Variants in B3GALNT1 observed in about 807,000 individuals in gnomAD.
The protein encoded by B3GALNT1 is beta-1,3-N-acetylgalactosaminyltransferase 1 (Globoside blood group), also known as UDP-GalNAc:beta-1,3-N-acetylgalactosaminyltransferase 1.
B3GALNT1 carries 17 observed loss-of-function variants against 27.3 expected under a neutral mutation model. That is an observed-to-expected ratio of 0.62 (90% CI 0.43 to 0.94). The LOEUF (loss-of-function observed/expected upper bound fraction) is 0.94. Ranked by LOEUF, B3GALNT1 falls within the 40% of genes least tolerant of loss-of-function variation. The probability of loss-of-function intolerance (pLI) is 0.00; values close to 1 mark genes in which losing one functional copy is unlikely to be tolerated. For synonymous variants in B3GALNT1, 141 were observed against 144.0 expected (o/e 0.98, Z 0.15); for missense variants, 347 against 390.0 (o/e 0.89, Z 0.93).
intron 4 of B3GALNT1, among the ~76,000 whole-genome samples, chr3:161,093,432 C>A (rs1471958680): frequency 1.3e-5 from 2 of 152,090 alleles, no homozygotes; most frequent in African/African-American, 4.8e-5. Context: ...CCAGAGATCT[C>A]GGATTGGCTC....
intron 4 of B3GALNT1, among the ~76,000 whole-genome samples, chr3:161,100,675 G>A (rs1156414391): frequency 6.6e-6 from 1 of 152,074 alleles, no homozygotes; most frequent in Non-Finnish European, 1.5e-5. Context: ...TCTGGGTTTG[G>A]GCTGAGAAAA....
At position 161,085,902 on chromosome 3, in the gene B3GALNT1, C is replaced by T. The variant is rs780828812; in HGVS notation, c.853G>A (p.Glu285Lys). Residue 285 changes from glutamate to lysine, a missense_variant, in exon 5 of 5, where the codon GAA becomes AAA. Physicochemically the swap from Glu to Lys is moderately conservative, Grantham distance 56. Coordinates refer to ENST00000320474, the MANE Select transcript of B3GALNT1 (RefSeq NM_003781.4). Reference protein sequence around the residue: ...NLLKVNIHIPEDTNLFFLYRI... With the variant: ...NLLKVNIHIPKDTNLFFLYRI... The stretch of plus-strand genomic sequence containing the variant: ...TATAGAAAGAAAAGATTTGTGTCTT[C>T]TGGAATATGAATGTTCACTTTTAAT... 1.2e-6 allele frequency: 2 copies of T among 1,613,018 alleles called. No homozygotes were observed.
At chr3:161,088,524 C>G (rs979117400) in intron 4 of B3GALNT1, among the ~76,000 whole-genome samples, 2 of 152,146 alleles carry the variant, frequency 1.3e-5, no homozygotes, top group African/African-American at 4.8e-5. Context: ...TCCTATCCTC[C>G]CCTATCCCCT....
chr3:161,085,776 T>C lies in B3GALNT1; in HGVS notation c.979A>G (p.Thr327Ala). 6.2e-7 allele frequency: 1 copy of C among 1,614,148 alleles called. No homozygotes were observed. The highest frequency in any genetic ancestry group is 8.5e-7 in the Non-Finnish European group (1 of 1,180,016). The change falls in exon 5 of 5, where the codon ACC becomes GCC. Residue 327 changes from threonine (T) to alanine (A), a missense_variant. By Grantham distance (58) the Thr-to-Ala change is moderately conservative. Transcript: ENST00000320474. ...ITFWQVMLRN[T>A]TCHY The stretch of plus-strand genomic sequence containing the variant: ...ATGTGAAGTTAATAATGGCATGTGG[T>C]GTTCCTTAGCATGACCTGCCAAAAA...
intron 4 of B3GALNT1, among the ~76,000 whole-genome samples, chr3:161,089,611 G>C (rs1305855648): frequency 6.6e-6 from 1 of 152,080 alleles, no homozygotes; most frequent in Non-Finnish European, 1.5e-5. Flanking sequence ...TTGAGAAATA[G>C]AAGACACAAA....
At chr3:161,103,354 C>A in intron 3 of B3GALNT1, 73 bp downstream of exon 3, 1 of 627,306 alleles carries the variant, frequency 1.6e-6, no homozygotes, top group Non-Finnish European at 2.4e-6. Flanking sequence ...TACTTAAAAC[C>A]TTGTAAAGGG....
chr3:161,100,522 ATC>A, intron 4 of B3GALNT1, among the ~76,000 whole-genome samples: 1 of 152,342 alleles, frequency 6.6e-6, no homozygotes, highest in South Asian at 2.1e-4. Flanking sequence ...GGTATAAGAC[ATC>A]TGAGTTTTTA....
At chr3:161,103,750 T>C (rs183776863) in intron 2 of B3GALNT1, among the ~76,000 whole-genome samples, 8 of 152,314 alleles carry the variant, frequency 5.3e-5, no homozygotes, top group Admixed American at 4.6e-4. Flanking sequence ...GTTTTGGAGA[T>C]GGAGTCTCAC....
chr3:161,089,021 G>A (rs769979875), intron 4 of B3GALNT1, among the ~76,000 whole-genome samples: 11 of 152,088 alleles, frequency 7.2e-5, no homozygotes, highest in African/African-American at 1.9e-4. Context: ...AGCAAGGAAC[G>A]GACTCTAAAG....
rs564286116 is a variant in B3GALNT1, at chr3:161,094,481, G to A, written c.-35+6658C>T. ...AACAGACAAACAGAGATACTACAAT[G>A]GCACAATTATTTAAGCCAAAATAAC... On this transcript the variant is annotated intron_variant, in intron 4 of 4. Coordinates refer to ENST00000320474, the MANE Select transcript of B3GALNT1 (RefSeq NM_003781.4). Among the ~76,000 whole-genome samples the A allele has an allele frequency of 2.6e-5, 4 of 152,182 alleles. No homozygotes were observed. The South Asian group carries it at 6.2e-4, about 24-fold the overall frequency.
intron 4 of B3GALNT1, among the ~76,000 whole-genome samples, chr3:161,090,453 T>G (rs1386257159): frequency 6.6e-6 from 1 of 151,358 alleles, no homozygotes; most frequent in East Asian, 1.9e-4. Flanking sequence ...ACATAACACA[T>G]TTAAAAAGAA....
chr3:161,095,398 G>A (rs574154580), intron 4 of B3GALNT1, among the ~76,000 whole-genome samples: 1 of 152,322 alleles, frequency 6.6e-6, no homozygotes, highest in East Asian at 1.9e-4. Context: ...AGGCTAAGGC[G>A]AATATCTGGG....
chr3:161,091,939 T>C (rs1280895019), intron 4 of B3GALNT1, among the ~76,000 whole-genome samples: 3 of 152,250 alleles, frequency 2.0e-5, no homozygotes, highest in Non-Finnish European at 4.4e-5. Flanking sequence ...GACAATTGGC[T>C]ATCTGTATGA....
At chr3:161,101,112 C>T (rs765150728) in intron 4 of B3GALNT1, 27 bp downstream of exon 4, 1 of 1,283,316 alleles carries the variant, frequency 7.8e-7, no homozygotes, top group South Asian at 1.2e-5. Context: ...GGGCAGGGAG[C>T]AAAGAATGCA....
intron 4 of B3GALNT1, among the ~76,000 whole-genome samples, chr3:161,090,980 C>T (rs774492487): frequency 2.0e-5 from 3 of 152,102 alleles, no homozygotes; most frequent in Non-Finnish European, 2.9e-5. Flanking sequence ...AAAAATGCCA[C>T]TTATAGGCTG....
At position 161,085,584 on chromosome 3, in the gene B3GALNT1, G is replaced by A; in HGVS notation, c.*175C>T. On this transcript the variant is annotated 3_prime_UTR_variant, in exon 5 of 5. Coordinates refer to ENST00000320474, the MANE Select transcript of B3GALNT1 (RefSeq NM_003781.4). ...TTCCTCCACATATCATCTTTGAAGGGCCTGACTAATAAATCACAAGTGTAA... is the reference window on the plus strand; with the variant it reads ...TTCCTCCACATATCATCTTTGAAGGACCTGACTAATAAATCACAAGTGTAA... 1.5e-6 allele frequency: 1 copy of A among 659,220 alleles called. No individual in the cohort carries two copies. The highest frequency in any genetic ancestry group is 2.6e-5 in the Admixed American group (1 of 38,648). The allele number at this position is 659,220 out of a possible 1,614,324, so 40.8% of individuals were successfully genotyped here.
Position 161,103,402 on chromosome 3 carries a change from ATAAGT to A in B3GALNT1, c.-130+20_-130+24del, listed in dbSNP as rs369335123. ...CATTTTTAACCAATTAGGATAATTT[ATAAGT>A]TAAAAGTAGATGAACTTACCTGTGG... On this transcript the variant is annotated intron_variant, in intron 3 of 4. Coordinates refer to ENST00000320474, the MANE Select transcript of B3GALNT1 (RefSeq NM_003781.4). 1,407 of 1,124,436 alleles carry A rather than the reference ATAAGT, an allele frequency of 1.3e-3. 19 individuals are homozygous for A. The African/African-American group carries it at 0.021, about 16-fold the overall frequency. The allele number at this position is 1,124,436 out of a possible 1,614,324, so 69.7% of individuals were successfully genotyped here.
At chr3:161,098,036 A>G (rs1316979311) in intron 4 of B3GALNT1, among the ~76,000 whole-genome samples, 1 of 152,046 alleles carries the variant, frequency 6.6e-6, no homozygotes, top group Non-Finnish European at 1.5e-5. Flanking sequence ...CCTGCTTTCT[A>G]CTCTATCCAA....
intron 4 of B3GALNT1, among the ~76,000 whole-genome samples, chr3:161,097,834 A>C (rs938763313): frequency 1.3e-5 from 2 of 152,186 alleles, no homozygotes; most frequent in African/African-American, 4.8e-5. Flanking sequence ...GGCTACTTTG[A>C]GGATTGTGCA....
Sources: allele counts gnomAD v4.1 joint callset (sites outside exome capture counted in the v4.1 genomes callset), GRCh38; gene constraint gnomAD v4.1.1; transcripts MANE v1.5; gene names NCBI Gene and HGNC (gene_info 2026-07-23, HGNC 2026-07-21).